The following STK33 variants were observed in gnomAD, a reference collection of about 807,000 sequenced individuals.
STK33 encodes the protein serine/threonine-protein kinase 33.
STK33 carries 52 observed loss-of-function variants against 58.0 expected under a neutral mutation model. The observed-to-expected ratio is 0.90, with a 90% CI of 0.72 to 1.13. The LOEUF (loss-of-function observed/expected upper bound fraction) is 1.13. STK33 is among the 50% of genes most tolerant of loss of function. The pLI is 0.00. For missense variants in STK33, 630 were observed against 604.2 expected (o/e 1.04, Z -0.45); for synonymous variants, 215 against 200.1 (o/e 1.07, Z -0.63).
downstream of STK33, among the ~76,000 whole-genome samples, chr11:8,388,830 C>T (rs552616327): frequency 3.9e-5 from 6 of 152,328 alleles, no homozygotes; most frequent in East Asian, 1.9e-4. Context: ...TATCGGGCAA[C>T]GCTCCAGGTA....
chr11:8,533,295 T>C (rs1180594307), intron 1 of STK33: 1 of 152,236 alleles, frequency 6.6e-6, no homozygotes, highest in Non-Finnish European at 1.5e-5. Flanking sequence ...AAAAGTCTGT[T>C]GTTCTAGGCA....
chr11:8,396,376 G>T (rs745650800), intron 15 of STK33, among the ~76,000 whole-genome samples: 1 of 152,180 alleles, frequency 6.6e-6, no homozygotes, highest in Admixed American at 6.5e-5. Flanking sequence ...GTAAAATACT[G>T]TATGTGTATG....
chr11:8,402,073 C>G (rs1474245277), intron 15 of STK33, among the ~76,000 whole-genome samples: 1 of 152,186 alleles, frequency 6.6e-6, no homozygotes, highest in Non-Finnish European at 1.5e-5. Context: ...CCTCAGGGAT[C>G]TAGAATTAGA....
intron 1 of STK33, among the ~76,000 whole-genome samples, chr11:8,532,574 C>T (rs530199247): frequency 5.3e-5 from 8 of 152,194 alleles, no homozygotes; most frequent in South Asian, 2.1e-4. Flanking sequence ...CTGACATATT[C>T]GCTCCATTGG....
chr11:8,486,407 T>TGGAAC (rs1411859673), intron 1 of STK33, among the ~76,000 whole-genome samples: 6 of 151,634 alleles, frequency 4.0e-5, no homozygotes, highest in Non-Finnish European at 1.5e-5. Context: ...ACTCTCAGCC[T>TGGAAC]GGAACACTCT....
chr11:8,554,598 A>G (rs1418126153), intron 1 of STK33, among the ~76,000 whole-genome samples: 4 of 152,158 alleles, frequency 2.6e-5, no homozygotes, highest in African/African-American at 9.7e-5. Flanking sequence ...TATCAAAAAG[A>G]TGAAAGATAA....
At position 8,461,725 on chromosome 11, in the gene STK33, A is replaced by G. The variant is rs1041554231; in HGVS notation, c.558+80T>C. 3 of 1,166,384 alleles carry G rather than the reference A, an allele frequency of 2.6e-6. No homozygotes were observed. In the East Asian group the frequency reaches 8.3e-5, roughly 32 times the overall value. 72.3% of individuals were successfully genotyped at this position (1,166,384 alleles called of 1,614,324 possible). On this transcript the variant is annotated intron_variant, in intron 8 of 15. Transcript: ENST00000687296. ...CAAGGACATGAGCAACTGTGCCCCA[A>G]AGGGATTATTTCAGAATGGAATGAT...
At chr11:8,397,873 C>A (rs571909597) in intron 15 of STK33, among the ~76,000 whole-genome samples, 2 of 152,068 alleles carry the variant, frequency 1.3e-5, no homozygotes, top group South Asian at 4.1e-4. Flanking sequence ...GATGGAAGAC[C>A]AAATGAATGA....
chr11:8,508,149 C>T (rs1248138925), intron 1 of STK33, among the ~76,000 whole-genome samples: 2 of 152,166 alleles, frequency 1.3e-5, no homozygotes, highest in Non-Finnish European at 1.5e-5. Flanking sequence ...CCTTGGCCTC[C>T]TAGAGTGCTG....
At chr11:8,577,281 T>G (rs1021229951) in intron 1 of STK33, among the ~76,000 whole-genome samples, 6 of 152,114 alleles carry the variant, frequency 3.9e-5, no homozygotes, top group South Asian at 2.1e-4. Flanking sequence ...TAGACTGTAC[T>G]CCAGAGTTCA....
intron 1 of STK33, among the ~76,000 whole-genome samples, chr11:8,573,634 G>A (rs995375758): frequency 7.9e-5 from 12 of 152,138 alleles, no homozygotes; most frequent in Non-Finnish European, 1.6e-4. Flanking sequence ...GTACACAAAC[G>A]TTCATAGCAG....
At position 8,436,211 on chromosome 11, in the gene STK33, A is replaced by C. The variant is rs564012820; in HGVS notation, c.948-72T>G. 374 of 872,526 alleles carry C rather than the reference A, an allele frequency of 4.3e-4. 1 individual carries two copies. Among genetic ancestry groups the C allele is most frequent in the Non-Finnish European group, 5.9e-4 (357 of 600,818 alleles). 54.0% of individuals were successfully genotyped at this position (872,526 alleles called of 1,614,324 possible). A position where few individuals can be genotyped will look rare whatever the true frequency, so the allele number is the denominator to read the frequency against. ...ATAAGCCTATTAAAATTAAGTTTCC[A>C]TAGGACTTGGAAGTAGTGTTGCTTC... On this transcript the variant is annotated intron_variant, in intron 12 of 15. Transcript: ENST00000687296.
At chr11:8,413,468 G>C in intron 15 of STK33, 27 bp downstream of exon 15, 1 of 1,611,684 alleles carries the variant, frequency 6.2e-7, no homozygotes, top group Non-Finnish European at 8.5e-7. Context: ...TTACACTTGG[G>C]AGAAATGCAG....
At chr11:8,341,048 G>T in the STK33 span, among the ~76,000 whole-genome samples, 1 of 152,146 alleles carries the variant, frequency 6.6e-6, no homozygotes, top group Non-Finnish European at 1.5e-5. Flanking sequence ...AGTAGAGACG[G>T]GGTTTCATCA....
chr11:8,427,978 G>C (rs1242859104), intron 14 of STK33, among the ~76,000 whole-genome samples: 1 of 152,162 alleles, frequency 6.6e-6, no homozygotes, highest in Non-Finnish European at 1.5e-5. Flanking sequence ...CATGGATCTA[G>C]AGCCAGTCCT....
chr11:8,370,973 C>T, the STK33 span, among the ~76,000 whole-genome samples: 11 of 152,038 alleles, frequency 7.2e-5, no homozygotes, highest in Admixed American at 2.6e-4. Flanking sequence ...GTGGAAGGAG[C>T]GGGGCTGTTT....
Position 8,490,910 on chromosome 11 carries a change from T to C in STK33, c.-465-10296A>G, listed in dbSNP as rs573095431. Among the ~76,000 whole-genome samples the C allele has an allele frequency of 1.5e-3, 229 of 152,006 alleles. 1 individual carries two copies. Among genetic ancestry groups the C allele is most frequent in the African/African-American group, 4.9e-3 (203 of 41,480 alleles). On this transcript the variant is annotated intron_variant, in intron 1 of 15. Coordinates refer to ENST00000687296, the MANE Select transcript of STK33 (RefSeq NM_001352389.2). Reference sequence around the variant, plus strand: ...ATAGGATCAACATCAACAAAAAGGATATCCACACCAAAACCCCATCTGTAG... The same window carrying C: ...ATAGGATCAACATCAACAAAAAGGACATCCACACCAAAACCCCATCTGTAG...
intron 11 of STK33, among the ~76,000 whole-genome samples, chr11:8,449,400 T>G (rs894887625): frequency 2.6e-5 from 4 of 151,496 alleles, no homozygotes; most frequent in African/African-American, 9.8e-5. Flanking sequence ...CCAACAATGA[T>G]CAACTGGATT....
At chr11:8,460,689 C>CA (rs200280443) in intron 8 of STK33, among the ~76,000 whole-genome samples, 1,817 of 147,322 alleles carry the variant, frequency 0.012, 20 homozygotes, top group African/African-American at 0.036. Flanking sequence ...ACCCCGAACA[C>CA]AAAAAAAAAC....
Sources: gnomAD v4.1 joint callset for allele counts (sites outside exome capture counted in the v4.1 genomes callset) on GRCh38, gnomAD v4.1.1 for gene constraint, MANE v1.5 for transcripts, NCBI Gene and HGNC (gene_info 2026-07-23, HGNC 2026-07-21) for gene names.